The following NUDT3 variants were observed in gnomAD, a reference collection of about 807,000 sequenced individuals.
NUDT3 encodes nudix hydrolase 3, also known as diphosphoinositol polyphosphate phosphohydrolase 1.
Under a neutral mutation model 23.6 loss-of-function variants are expected in NUDT3, and 9 were observed. The observed-to-expected ratio is 0.38, with a 90% CI of 0.23 to 0.66. The LOEUF is 0.66. Among genes scored for constraint, NUDT3 ranks in the 30% least tolerant of loss-of-function variants. NUDT3 has a pLI of 0.52. For synonymous variants in NUDT3, 86 were observed against 82.6 expected, an observed-to-expected ratio of 1.04 and a Z score of -0.22; for missense variants, 172 against 218.5, an observed-to-expected ratio of 0.79 and a Z score of 1.34.
chr6:34,297,760 A>ATATATATATTTATTTTT (rs1763535832), intron 2 of NUDT3, among the ~76,000 whole-genome samples: 1 of 53,654 alleles, frequency 1.9e-5, no homozygotes, highest in Non-Finnish European at 3.1e-5. Context: ...TATATATATA[A>ATATATATATTTATTTTT]TTTTTTTTTT....
chr6:34,340,524 G>T (rs1764272328), intron 2 of NUDT3, among the ~76,000 whole-genome samples: 1 of 152,106 alleles, frequency 6.6e-6, no homozygotes, highest in Non-Finnish European at 1.5e-5. Context: ...ACAGAAACCA[G>T]GATTCCCACG....
chr6:34,383,123 T>C (rs1765050016), intron 1 of NUDT3, among the ~76,000 whole-genome samples: 1 of 132,936 alleles, frequency 7.5e-6, no homozygotes, highest in South Asian at 2.3e-4. Context: ...CAAGACTCCA[T>C]CTCAAAAAAA....
intron 1 of NUDT3, among the ~76,000 whole-genome samples, chr6:34,390,170 A>G (rs746095409): frequency 6.6e-5 from 10 of 150,986 alleles, no homozygotes; most frequent in Non-Finnish European, 1.2e-4. Context: ...TAAGTAAATA[A>G]ATAAAATTTT....
At chr6:34,312,140 A>G (rs116144226) in intron 2 of NUDT3, among the ~76,000 whole-genome samples, 14,571 of 152,218 alleles carry the variant, frequency 0.096, 801 homozygotes, top group Non-Finnish European at 0.12. Flanking sequence ...GGTGGCTCAC[A>G]CCTGTAATCC....
At chr6:34,356,325 A>G (rs888089341) in intron 1 of NUDT3, among the ~76,000 whole-genome samples, 1 of 152,224 alleles carries the variant, frequency 6.6e-6, no homozygotes, top group Admixed American at 6.5e-5. Flanking sequence ...AGTTGTTCAC[A>G]ATATTCCCTT....
At chr6:34,371,815 A>G (rs1352215626) in intron 1 of NUDT3, among the ~76,000 whole-genome samples, 1 of 152,210 alleles carries the variant, frequency 6.6e-6, no homozygotes, top group Non-Finnish European at 1.5e-5. Context: ...TTACATACGT[A>G]TACATGTGCC....
intron 1 of NUDT3, among the ~76,000 whole-genome samples, chr6:34,375,311 TC>T (rs1764903891): frequency 6.6e-6 from 1 of 152,054 alleles, no homozygotes; most frequent in Non-Finnish European, 1.5e-5. Flanking sequence ...GCCATTGCAC[TC>T]CAGCCTGGGC....
chr6:34,351,466 G>A (rs2113743597), intron 1 of NUDT3, among the ~76,000 whole-genome samples: 1 of 148,482 alleles, frequency 6.7e-6, no homozygotes, highest in South Asian at 2.1e-4. Flanking sequence ...AGAGGGCCAG[G>A]CGCGGTGGCT....
At chr6:34,349,687 T>C (rs754304961) in intron 1 of NUDT3, among the ~76,000 whole-genome samples, 13 of 150,618 alleles carry the variant, frequency 8.6e-5, no homozygotes, top group Non-Finnish European at 1.8e-4. Context: ...CCACCCACTA[T>C]CCACCTTGGT....
At chr6:34,291,107 C>G (rs984130449) in intron 4 of NUDT3, among the ~76,000 whole-genome samples, 1 of 151,882 alleles carries the variant, frequency 6.6e-6, no homozygotes, top group Non-Finnish European at 1.5e-5. Flanking sequence ...TACAGGTGCA[C>G]ACCACCACGC....
intron 2 of NUDT3, among the ~76,000 whole-genome samples, chr6:34,329,071 T>C (rs1449375446): frequency 6.6e-6 from 1 of 152,136 alleles, no homozygotes; most frequent in Non-Finnish European, 1.5e-5. Context: ...CTTAAATTAC[T>C]CCCAAGTAGT....
intron 3 of NUDT3, 141 bp downstream of exon 3, chr6:34,295,500 G>A (rs532935084): frequency 9.9e-6 from 9 of 912,264 alleles, no homozygotes; most frequent in East Asian, 2.8e-5. Flanking sequence ...CAGCCTGGGC[G>A]AGAGTGAGAC....
At chr6:34,327,314 AGG>A in intron 2 of NUDT3, among the ~76,000 whole-genome samples, 1 of 151,956 alleles carries the variant, frequency 6.6e-6, no homozygotes, top group Non-Finnish European at 1.5e-5. Context: ...GTGGATCACG[AGG>A]TCAAGAGATC....
intron 1 of NUDT3, among the ~76,000 whole-genome samples, chr6:34,369,103 A>G (rs192624664): frequency 3.9e-4 from 59 of 152,360 alleles, no homozygotes; most frequent in African/African-American, 1.4e-3. Context: ...CAAGATATAG[A>G]AGAAAAACTT....
At chr6:34,290,582 C>T (rs1763406810) in intron 4 of NUDT3, among the ~76,000 whole-genome samples, 1 of 151,204 alleles carries the variant, frequency 6.6e-6, no homozygotes, top group East Asian at 1.9e-4. Flanking sequence ...ATTGCCATTG[C>T]TAGAAAGGCT....
At chr6:34,354,772 ATTTAT>A (rs1764536970) in intron 1 of NUDT3, among the ~76,000 whole-genome samples, 1 of 135,700 alleles carries the variant, frequency 7.4e-6, no homozygotes, top group Non-Finnish European at 1.6e-5. Context: ...TTATATTTGT[ATTTAT>A]TTTATATTTG....
chr6:34,339,577 C>T (rs1764258457), intron 2 of NUDT3, among the ~76,000 whole-genome samples: 1 of 152,240 alleles, frequency 6.6e-6, no homozygotes, highest in Non-Finnish European at 1.5e-5. Flanking sequence ...ATCAATTACA[C>T]TCTGAGTAGC....
chr6:34,353,471 T>C (rs1273196066), intron 1 of NUDT3, among the ~76,000 whole-genome samples: 1 of 151,418 alleles, frequency 6.6e-6, no homozygotes, highest in Non-Finnish European at 1.5e-5. Context: ...ACAAGAGTCT[T>C]GTTCACTACA....
intron 4 of NUDT3, 26 bp from the exon 5 acceptor site, chr6:34,288,957 T>A (rs1399571151): frequency 6.3e-7 from 1 of 1,581,422 alleles, no homozygotes; most frequent in Non-Finnish European, 8.6e-7. Context: ...GAAAAGAAAC[T>A]AGTACAAGAG....
Sources: allele counts gnomAD v4.1 joint callset (sites outside exome capture counted in the v4.1 genomes callset), GRCh38; gene constraint gnomAD v4.1.1; transcripts MANE v1.5; gene names NCBI Gene and HGNC (gene_info 2026-07-23, HGNC 2026-07-21).